Variants in EPAS1 observed in about 807,000 individuals in gnomAD.
The protein encoded by EPAS1 is endothelial PAS domain protein 1, also known as endothelial PAS domain-containing protein 1.
A neutral mutation model predicts 87.9 loss-of-function variants in EPAS1; 23 were observed. The ratio of observed to expected loss-of-function variants is 0.26; its 90% confidence interval spans 0.19 to 0.37. EPAS1 has a LOEUF of 0.37. Ranked by LOEUF, EPAS1 falls within the 10% of genes least tolerant of loss-of-function variation. EPAS1 has a pLI of 1.00. For missense variants in EPAS1, 1,138 were observed against 1,120.7 expected (o/e 1.02, Z -0.22); for synonymous variants, 508 against 444.3 (o/e 1.14, Z -1.80).
At chr2:46,318,199 A>AC (rs1683382226) in intron 1 of EPAS1, among the ~76,000 whole-genome samples, 1 of 59,848 alleles carries the variant, frequency 1.7e-5, no homozygotes, top group South Asian at 5.9e-4. Flanking sequence ...CACACACACA[A>AC]ACACACACAC....
At chr2:46,378,584 T>C in intron 10 of EPAS1, 73 bp from the exon 11 acceptor site, 1 of 1,304,848 alleles carries the variant, frequency 7.7e-7, no homozygotes, top group Non-Finnish European at 1.1e-6. Flanking sequence ...AAGGTATTTC[T>C]TCTTCCATGC....
At chr2:46,318,575 T>G (rs193237060) in intron 1 of EPAS1, among the ~76,000 whole-genome samples, 1 of 152,334 alleles carries the variant, frequency 6.6e-6, no homozygotes, top group Non-Finnish European at 1.5e-5. Context: ...GTGCTACCAT[T>G]TTTATTAAGT....
intron 7 of EPAS1, among the ~76,000 whole-genome samples, chr2:46,374,532 A>G (rs1421774685): frequency 6.6e-6 from 1 of 152,144 alleles, no homozygotes; most frequent in East Asian, 1.9e-4. Flanking sequence ...TATTACCGTT[A>G]CTACTATTAT....
At chr2:46,321,427 T>G (rs1683452661) in intron 1 of EPAS1, among the ~76,000 whole-genome samples, 1 of 152,202 alleles carries the variant, frequency 6.6e-6, no homozygotes, top group Non-Finnish European at 1.5e-5. Flanking sequence ...CTGTGTTTAT[T>G]TTTTTCAAAA....
rs369435792 is a variant in EPAS1, at chr2:46,343,359, T to C, written c.27-3514T>C. On this transcript the variant is annotated intron_variant, in intron 1 of 15. Transcript: ENST00000263734. ...AGTATTAGCCCTTCTTCCCAAAGTA[T>C]GTGTGAGCATCCAGGTTGTGGGAAA... is the stretch of plus-strand genomic sequence containing the variant. Among the ~76,000 whole-genome samples the C allele has an allele frequency of 1.1e-4, 17 of 152,236 alleles. No homozygotes were observed. The East Asian group carries it at 1.5e-3, about 14-fold the overall frequency.
chr2:46,364,308 G>T (rs1451560719), intron 6 of EPAS1, among the ~76,000 whole-genome samples: 1 of 152,162 alleles, frequency 6.6e-6, no homozygotes, highest in Non-Finnish European at 1.5e-5. Flanking sequence ...ATGTATGGCA[G>T]TTAGAATCCA....
chr2:46,386,193 A>G lies in EPAS1; in HGVS notation c.*1533A>G, dbSNP rs1685021201. 6.6e-6 allele frequency: 1 copy of G among 152,628 alleles called. No individual in the cohort carries two copies. Among genetic ancestry groups the G allele is most frequent in the African/African-American group, 2.4e-5 (1 of 41,444 alleles). The allele number at this position is 152,628 out of a possible 1,614,324, so 9.5% of individuals were successfully genotyped here. On this transcript the variant is annotated 3_prime_UTR_variant, in exon 16 of 16. Coordinates refer to ENST00000263734, the MANE Select transcript of EPAS1 (RefSeq NM_001430.5). ...CAACTCCCTGGGTAAGAGGGACGAC[A>G]CCTCTGGTTTTTCAATACCAATTAC...
intron 15 of EPAS1, 64 bp from the exon 16 acceptor site, chr2:46,384,445 A>T: frequency 1.2e-6 from 2 of 1,609,268 alleles, no homozygotes; most frequent in African/African-American, 1.3e-5. Flanking sequence ...AGTCACAAAG[A>T]AGTAGACACT....
At chr2:46,382,121 G>T (rs1260963617) in intron 14 of EPAS1, 32 bp downstream of exon 14, 1 of 1,601,424 alleles carries the variant, frequency 6.2e-7, no homozygotes. Context: ...GGGCCTCCTG[G>T]GGGTTCTGGT....
Position 46,378,639 on chromosome 2 carries a change from C to T in EPAS1, c.1444-18C>T, listed in dbSNP as rs375869517. On this transcript the variant is annotated intron_variant, in intron 10 of 15. Coordinates refer to ENST00000263734, the MANE Select transcript of EPAS1 (RefSeq NM_001430.5). ...GTGCCATATCTTTGACTCTGTCCCC[C>T]TCCTTCCTGGCCCCTAGCCCAATAG... 5.1e-5 allele frequency: 82 copies of T among 1,608,414 alleles called. 1 individual carries two copies. The African/African-American group carries it at 1.0e-3, about 20-fold the overall frequency.
In EPAS1 at chr2:46,380,052, A is replaced by G. The variant is rs1427034045; in HGVS notation, c.1555-175A>G. The G allele has an allele frequency of 7.3e-6, 7 of 964,432 alleles. No homozygotes were observed. The highest frequency in any genetic ancestry group is 1.6e-5 in the African/African-American group (1 of 62,772). 59.7% of individuals were successfully genotyped at this position (964,432 alleles called of 1,614,324 possible). On this transcript the variant is annotated intron_variant, in intron 11 of 15. Transcript: ENST00000263734. This position sits in a 1 kb window ranked among gnomAD's most constrained non-coding sequence, Gnocchi z 4.4. ...TGGTACATGATACAAGGTCGTGTAC[A>G]TGACACAGCCAAGTCTGAGGTTTTC...
chr2:46,344,239 A>G (rs1359018327), intron 1 of EPAS1, among the ~76,000 whole-genome samples: 1 of 151,928 alleles, frequency 6.6e-6, no homozygotes, highest in African/African-American at 2.4e-5. Flanking sequence ...CAGAGCATTG[A>G]CTCCAGATTG....
At chr2:46,384,479 T>A (rs1489814406) in intron 15 of EPAS1, 30 bp from the exon 16 acceptor site, 1 of 1,614,174 alleles carries the variant, frequency 6.2e-7, no homozygotes. Flanking sequence ...GATTTAGGCC[T>A]TTAAGTTATG....
chr2:46,312,163 G>A (rs1372888904), intron 1 of EPAS1, among the ~76,000 whole-genome samples: 2 of 152,112 alleles, frequency 1.3e-5, no homozygotes, highest in East Asian at 3.9e-4. Context: ...ATGACCACAG[G>A]GTTCTGTGTT....
At chr2:46,368,004 G>A (rs773854739) in intron 6 of EPAS1, among the ~76,000 whole-genome samples, 1 of 152,218 alleles carries the variant, frequency 6.6e-6, no homozygotes, top group African/African-American at 2.4e-5. Flanking sequence ...CCTTAGCAGT[G>A]CTGGGATAAA....
intron 6 of EPAS1, among the ~76,000 whole-genome samples, chr2:46,368,149 G>A (rs988252531): frequency 5.3e-5 from 8 of 152,190 alleles, no homozygotes; most frequent in African/African-American, 1.7e-4. Context: ...GACAGCCTAG[G>A]ATGTGAGGAG....
chr2:46,359,352 G>C (rs1416883261), intron 4 of EPAS1, among the ~76,000 whole-genome samples: 15 of 147,390 alleles, frequency 1.0e-4, no homozygotes, highest in Non-Finnish European at 1.8e-4. Context: ...CCCAGCAACA[G>C]CCACAAATGA....
chr2:46,362,498 C>A (rs1179120606), intron 6 of EPAS1, among the ~76,000 whole-genome samples: 2 of 152,178 alleles, frequency 1.3e-5, no homozygotes, highest in Admixed American at 1.3e-4. Context: ...AAGAATCTGA[C>A]CCCCAGATCA....
intron 6 of EPAS1, among the ~76,000 whole-genome samples, chr2:46,362,184 C>A (rs76347095): frequency 0.045 from 6,885 of 152,242 alleles, 303 homozygotes; most frequent in African/African-American, 0.12. Flanking sequence ...TTGCCACCCC[C>A]AACTCTTTGC....
Sources: gnomAD v4.1 joint callset for allele counts (sites outside exome capture counted in the v4.1 genomes callset) on GRCh38, gnomAD v4.1.1 for gene constraint, Gnocchi (gnomAD v3.1) non-coding constraint, MANE v1.5 for transcripts, NCBI Gene and HGNC (gene_info 2026-07-23, HGNC 2026-07-21) for gene names.